ARHGAP6: variants seen among roughly 807,000 people sequenced by gnomAD.
ARHGAP6 encodes the protein Rho GTPase activating protein 6.
In ARHGAP6, 16 loss-of-function variants were observed where a neutral mutation model predicts 55.7. That is an observed-to-expected ratio of 0.29 (90% confidence interval 0.19 to 0.44). ARHGAP6 has a LOEUF of 0.44. Among genes scored for constraint, ARHGAP6 ranks in the 20% least tolerant of loss-of-function variants. The probability of loss-of-function intolerance (pLI) is 1.00; values close to 1 mark genes in which losing one functional copy is unlikely to be tolerated. For synonymous variants in ARHGAP6, 382 were observed against 360.9 expected (o/e 1.06, Z -0.66); for missense variants, 698 against 808.9 (o/e 0.86, Z 1.66).
At chrX:11,260,713 T>G (rs1365485700) in intron 1 of ARHGAP6, among the ~76,000 whole-genome samples, 1 of 111,724 alleles carries the variant, frequency 9.0e-6, no homozygotes, top group Non-Finnish European at 1.9e-5. Flanking sequence ...GTACAAAATA[T>G]CCTTCCTTCA....
At chrX:11,614,421 C>T (rs1473045869) in intron 1 of ARHGAP6, among the ~76,000 whole-genome samples, 2 of 111,708 alleles carry the variant, frequency 1.8e-5, no homozygotes, top group African/African-American at 6.5e-5. Context: ...GAGGAAGAGG[C>T]ACGTTCTACA....
At position 11,600,776 on chromosome X, in the gene ARHGAP6, T is replaced by C. The variant is rs755145062; in HGVS notation, c.588+63465A>G. On this transcript the variant is annotated intron_variant, in intron 1 of 12. Transcript: ENST00000337414. ...GAGTGTATGGAGTTTATTTTGCTGA[T>C]GTTCCCAGGAAACACCAGTAGGGGA... Among the ~76,000 whole-genome samples the C allele has an allele frequency of 4.5e-5, 5 of 112,150 alleles. No individual in the cohort carries two copies. In the East Asian group the frequency reaches 1.4e-3, roughly 31 times the overall value.
intron 1 of ARHGAP6, among the ~76,000 whole-genome samples, chrX:11,354,327 C>CTCTCTCTCTATATATATA (rs1343744315): frequency 6.2e-5 from 2 of 32,350 alleles, no homozygotes; most frequent in African/African-American, 2.7e-4. Flanking sequence ...CTCTCTCTCT[C>CTCTCTCTCTATATATATA]TATATATATA....
chrX:11,527,899 A>G (rs1477425262), intron 1 of ARHGAP6, among the ~76,000 whole-genome samples: 4 of 112,526 alleles, frequency 3.6e-5, no homozygotes, highest in African/African-American at 1.3e-4. Flanking sequence ...CATGGGATCT[A>G]CTTATAAATA....
intron 2 of ARHGAP6, among the ~76,000 whole-genome samples, chrX:11,216,005 G>A (rs1042743690): frequency 2.7e-5 from 3 of 111,593 alleles, no homozygotes; most frequent in Admixed American, 9.5e-5. Flanking sequence ...TGACGTCCAA[G>A]GGATCTGACA....
At chrX:11,458,311 G>A (rs1176051074) in intron 1 of ARHGAP6, among the ~76,000 whole-genome samples, 2 of 112,171 alleles carry the variant, frequency 1.8e-5, no homozygotes, top group South Asian at 3.7e-4. Flanking sequence ...AATATGCCTC[G>A]GCCTCTTGCC....
intron 1 of ARHGAP6, among the ~76,000 whole-genome samples, chrX:11,614,706 G>GCT (rs2052142799): frequency 9.0e-6 from 1 of 111,311 alleles, no homozygotes; most frequent in Non-Finnish European, 1.9e-5. Context: ...CAATAACACA[G>GCT]CTCATGAGTG....
intron 1 of ARHGAP6, among the ~76,000 whole-genome samples, chrX:11,645,597 T>C (rs992495357): frequency 8.9e-6 from 1 of 112,238 alleles, no homozygotes; most frequent in African/African-American, 3.2e-5. Flanking sequence ...AAATAAAGTT[T>C]CAAATAAAGT....
chrX:11,585,517 C>T (rs1247599352), intron 1 of ARHGAP6, among the ~76,000 whole-genome samples: 2 of 112,423 alleles, frequency 1.8e-5, no homozygotes, highest in South Asian at 7.3e-4. Flanking sequence ...ATTTGCATTT[C>T]TCTAAAGATC....
intron 1 of ARHGAP6, among the ~76,000 whole-genome samples, chrX:11,610,144 A>G (rs760986529): frequency 9.0e-5 from 10 of 111,311 alleles, no homozygotes; most frequent in African/African-American, 3.3e-4. Flanking sequence ...AAAAAAAAAA[A>G]AATACAAAAT....
chrX:11,551,487 T>C (rs1159268219), intron 1 of ARHGAP6, among the ~76,000 whole-genome samples: 1 of 111,458 alleles, frequency 9.0e-6, no homozygotes, highest in Non-Finnish European at 1.9e-5. Context: ...ATGAACACTT[T>C]TGTTGGTTTT....
intron 1 of ARHGAP6, among the ~76,000 whole-genome samples, chrX:11,555,726 A>G (rs2051314169): frequency 9.0e-6 from 1 of 111,117 alleles, no homozygotes; most frequent in Non-Finnish European, 1.9e-5. Flanking sequence ...CAGCCTGGGC[A>G]ACAGAGCAAG....
intron 1 of ARHGAP6, among the ~76,000 whole-genome samples, chrX:11,399,824 C>T (rs963356694): frequency 8.0e-5 from 9 of 111,857 alleles, no homozygotes; most frequent in African/African-American, 2.9e-4. Flanking sequence ...GTGGAAATAA[C>T]CCAAATGTCC....
intron 2 of ARHGAP6, among the ~76,000 whole-genome samples, chrX:11,214,284 C>CAG (rs1555970897): frequency 6.4e-5 from 7 of 109,110 alleles, no homozygotes; most frequent in African/African-American, 2.3e-4. Flanking sequence ...CACACACACA[C>CAG]GTGTGTGTGT....
intron 1 of ARHGAP6, among the ~76,000 whole-genome samples, chrX:11,341,213 A>G (rs1414179616): frequency 5.4e-5 from 6 of 111,758 alleles, no homozygotes; most frequent in Non-Finnish European, 1.1e-4. Flanking sequence ...TAAATTAATA[A>G]AATTATGATT....
At chrX:11,651,277 TCTCCCTC>T (rs779320937) in intron 1 of ARHGAP6, among the ~76,000 whole-genome samples, 15,370 of 110,990 alleles carry the variant, frequency 0.14, 1,019 homozygotes, top group Middle Eastern at 0.26. Flanking sequence ...TTCCTGATCC[TCTCCCTC>T]CTCCCACTGC....
intron 1 of ARHGAP6, among the ~76,000 whole-genome samples, chrX:11,326,808 C>G (rs1194891473): frequency 2.7e-5 from 3 of 112,136 alleles, no homozygotes; most frequent in African/African-American, 9.7e-5. Flanking sequence ...AATGCCTCAT[C>G]ATGAACTAAA....
At chrX:11,283,226 G>A (rs951925892) in intron 1 of ARHGAP6, among the ~76,000 whole-genome samples, 3 of 111,814 alleles carry the variant, frequency 2.7e-5, no homozygotes, top group African/African-American at 9.8e-5. Flanking sequence ...TGTTTTCTAA[G>A]TATCTATTAT....
intron 1 of ARHGAP6, among the ~76,000 whole-genome samples, chrX:11,309,455 G>A (rs895123879): frequency 4.5e-5 from 5 of 110,887 alleles, no homozygotes; most frequent in African/African-American, 1.6e-4. Context: ...AGAGCCTTGG[G>A]TCACTGTGAT....
Sources: allele counts gnomAD v4.1 joint callset (sites outside exome capture counted in the v4.1 genomes callset), GRCh38; gene constraint gnomAD v4.1.1; transcripts MANE v1.5; gene names NCBI Gene and HGNC (gene_info 2026-07-23, HGNC 2026-07-21).